ADGRL3: variants seen among roughly 807,000 people sequenced by gnomAD.
ADGRL3 encodes the protein calcium-independent alpha-latrotoxin receptor 3.
ADGRL3 carries 62 observed loss-of-function variants against 153.5 expected under a neutral mutation model. That is an observed-to-expected ratio of 0.40 (90% confidence interval 0.33 to 0.50). The LOEUF is 0.50. Among genes scored for constraint, ADGRL3 ranks in the 20% least tolerant of loss-of-function variants. ADGRL3 has a pLI of 0.47. For synonymous variants in ADGRL3, 710 were observed against 672.5 expected (o/e 1.06, Z -0.86); for missense variants, 1,641 against 1,859.4 (o/e 0.88, Z 2.16).
chr4:61,731,410 G>T (rs1004081770), intron 7 of ADGRL3, among the ~76,000 whole-genome samples: 3 of 151,982 alleles, frequency 2.0e-5, no homozygotes, highest in African/African-American at 7.2e-5. Flanking sequence ...TTAAAAAAGG[G>T]TCAATATCCA....
chr4:61,464,023 C>T (rs896057615), intron 2 of ADGRL3, among the ~76,000 whole-genome samples: 8 of 152,224 alleles, frequency 5.3e-5, no homozygotes, highest in African/African-American at 7.2e-5. Context: ...ATTACAACTA[C>T]GCACATCTAC....
chr4:61,979,683 G>A lies in ADGRL3; in HGVS notation c.2926G>A (p.Asp976Asn). ...TTGCTTTTTCCGGGGGCTCCAGAGT[G>A]ACCGTAACACCATCCACAAGAACCT... ...TFCFFRGLQS[D>N]RNTIHKNLCI... The change falls in exon 18 of 27, where the codon GAC becomes AAC. Residue 976 changes from aspartate to asparagine, a missense_variant. Around this residue, in one of 5 missense-constraint regions of ADGRL3, gnomAD observed 734 missense variants for 797.0 expected, o/e 0.92. Coordinates refer to ENST00000683033, the MANE Select transcript of ADGRL3 (RefSeq NM_001387552.1). 1.2e-6 allele frequency: 2 copies of A among 1,613,912 alleles called. No homozygotes were observed. Among genetic ancestry groups the A allele is most frequent in the Non-Finnish European group, 1.7e-6 (2 of 1,179,912 alleles).
At chr4:61,966,216 T>C (rs1418748322) in intron 17 of ADGRL3, among the ~76,000 whole-genome samples, 1 of 152,208 alleles carries the variant, frequency 6.6e-6, no homozygotes, top group African/African-American at 2.4e-5. Context: ...GTTCAGTACC[T>C]GGCACATAAT....
At chr4:61,866,961 A>C (rs979796444) in intron 9 of ADGRL3, among the ~76,000 whole-genome samples, 1 of 152,164 alleles carries the variant, frequency 6.6e-6, no homozygotes, top group Non-Finnish European at 1.5e-5. Flanking sequence ...TAAGCACAGT[A>C]AAGATTATGC....
intron 8 of ADGRL3, among the ~76,000 whole-genome samples, chr4:61,780,027 T>G (rs944809009): frequency 1.8e-4 from 27 of 152,200 alleles, no homozygotes; most frequent in African/African-American, 6.5e-4. Context: ...GAATCCCTGT[T>G]CTCGACTTCC....
chr4:61,614,275 T>C (rs925785117), intron 5 of ADGRL3, among the ~76,000 whole-genome samples: 6 of 152,170 alleles, frequency 3.9e-5, no homozygotes, highest in Non-Finnish European at 7.4e-5. Flanking sequence ...CTCAAAAAAA[T>C]TGAATTTATT....
chr4:61,499,987 GACACACAC>G (rs34740052), intron 3 of ADGRL3, among the ~76,000 whole-genome samples: 3,973 of 138,934 alleles, frequency 0.029, 193 homozygotes, highest in African/African-American at 0.099. Flanking sequence ...CACACACACA[GACACACAC>G]ACACACACAC....
At chr4:61,331,165 A>G (rs572993648) in intron 1 of ADGRL3, among the ~76,000 whole-genome samples, 37 of 152,288 alleles carry the variant, frequency 2.4e-4, no homozygotes, top group Middle Eastern at 3.4e-3. Flanking sequence ...TAGAAAGAGA[A>G]CAAACTTTGC....
intron 4 of ADGRL3, among the ~76,000 whole-genome samples, chr4:61,530,742 T>A (rs566918455): frequency 2.0e-5 from 3 of 152,202 alleles, no homozygotes; most frequent in Non-Finnish European, 4.4e-5. Flanking sequence ...CTTGAGCTGA[T>A]GAAAACTTCC....
chr4:62,044,059 ATAGT>A (rs1207908161), intron 24 of ADGRL3, among the ~76,000 whole-genome samples: 1 of 152,042 alleles, frequency 6.6e-6, no homozygotes, highest in South Asian at 2.1e-4. Context: ...AATTTAATGC[ATAGT>A]TAAACATTCC....
chr4:61,926,433 T>C (rs1042718335), intron 13 of ADGRL3, among the ~76,000 whole-genome samples: 1 of 152,116 alleles, frequency 6.6e-6, no homozygotes, highest in Admixed American at 6.6e-5. Context: ...CTCTTTCTTT[T>C]CCTCATCAAC....
chr4:62,061,541 G>A (rs1223269335), intron 25 of ADGRL3, among the ~76,000 whole-genome samples: 1 of 151,904 alleles, frequency 6.6e-6, no homozygotes, highest in Non-Finnish European at 1.5e-5. Flanking sequence ...TCATAGTGAA[G>A]ATACAGAGTA....
At chr4:61,770,598 T>C (rs1204062541) in intron 8 of ADGRL3, among the ~76,000 whole-genome samples, 1 of 152,144 alleles carries the variant, frequency 6.6e-6, no homozygotes, top group Admixed American at 6.5e-5. Flanking sequence ...CAGGAGAGAT[T>C]TGGGGATTGT....
At chr4:62,017,061 T>A (rs1017596717) in intron 21 of ADGRL3, among the ~76,000 whole-genome samples, 3 of 152,100 alleles carry the variant, frequency 2.0e-5, no homozygotes, top group Non-Finnish European at 4.4e-5. Context: ...TATTGAACAT[T>A]ATTAAATAGA....
At chr4:61,977,909 C>G (rs992537255) in intron 17 of ADGRL3, among the ~76,000 whole-genome samples, 5 of 152,100 alleles carry the variant, frequency 3.3e-5, no homozygotes, top group African/African-American at 1.2e-4. Flanking sequence ...ATTGAGTGAG[C>G]ATAGTGCCCA....
intron 6 of ADGRL3, among the ~76,000 whole-genome samples, chr4:61,686,025 G>C (rs999735952): frequency 1.4e-5 from 1 of 69,012 alleles, no homozygotes; most frequent in African/African-American, 3.8e-5. Context: ...TGGATTGACA[G>C]AGTTAGGAAA....
At chr4:61,798,998 A>AATATATATAT (rs2097450361) in intron 8 of ADGRL3, among the ~76,000 whole-genome samples, 1 of 66,224 alleles carries the variant, frequency 1.5e-5, no homozygotes, top group African/African-American at 5.7e-5. Context: ...ATATATAAAC[A>AATATATATAT]GTATATATAT....
At chr4:61,234,807 C>T (rs73214519) in intron 1 of ADGRL3, among the ~76,000 whole-genome samples, 3,467 of 152,126 alleles carry the variant, frequency 0.023, 140 homozygotes, top group African/African-American at 0.08. Context: ...TAGTAGTGGA[C>T]AGCAGGTGTA....
intron 25 of ADGRL3, chr4:62,063,434 CT>C: frequency 5.1e-6 from 3 of 586,958 alleles, no homozygotes; most frequent in Admixed American, 2.8e-5. Flanking sequence ...TGTTTCCTTT[CT>C]TTTTTTCAAA....
Sources: allele counts gnomAD v4.1 joint callset (sites outside exome capture counted in the v4.1 genomes callset), GRCh38; gene constraint gnomAD v4.1.1; regional missense constraint gnomAD v4.1.1; transcripts MANE v1.5; gene names NCBI Gene and HGNC (gene_info 2026-07-23, HGNC 2026-07-21).